The following C2orf74 variants were observed in gnomAD, a reference collection of about 807,000 sequenced individuals.
C2orf74 encodes DPM1 ER membrane anchor 1, also known as uncharacterized protein C2orf74.
A neutral mutation model predicts 17.9 loss-of-function variants in C2orf74; 14 were observed. The observed-to-expected ratio is 0.78, with a 90% CI of 0.52 to 1.22. C2orf74 has a LOEUF of 1.22. Among genes scored for constraint, C2orf74 ranks in the 50% most tolerant of loss-of-function variants. The pLI is 0.00. For missense variants in C2orf74, 217 were observed against 218.4 expected (o/e 0.99, Z 0.04); for synonymous variants, 79 against 72.6 (o/e 1.09, Z -0.44).
intron 1 of C2orf74, among the ~76,000 whole-genome samples, chr2:61,148,435 C>T (rs1047942319): frequency 6.6e-6 from 1 of 152,046 alleles, no homozygotes; most frequent in Admixed American, 6.6e-5. Flanking sequence ...GATCTACCTG[C>T]CTCAGCCTCC....
intron 2 of C2orf74, 99 bp from the exon 3 acceptor site, chr2:61,162,743 A>G: frequency 9.0e-7 from 1 of 1,112,440 alleles, no homozygotes; most frequent in Non-Finnish European, 1.3e-6. Flanking sequence ...TCAGCATTTT[A>G]GAAATGCTGA....
chr2:61,147,668 C>T (rs945230879), intron 1 of C2orf74, among the ~76,000 whole-genome samples: 3 of 152,134 alleles, frequency 2.0e-5, no homozygotes, highest in South Asian at 2.1e-4. Context: ...TTTTGCCTTT[C>T]CCTTTTTTAT....
At chr2:61,148,436 C>G (rs1252821962) in intron 1 of C2orf74, among the ~76,000 whole-genome samples, 1 of 152,110 alleles carries the variant, frequency 6.6e-6, no homozygotes, top group Non-Finnish European at 1.5e-5. Context: ...ATCTACCTGC[C>G]TCAGCCTCCC....
chr2:61,158,002 G>T (rs1405034744), upstream of C2orf74: 1 of 471,218 alleles, frequency 2.1e-6, no homozygotes, highest in South Asian at 1.5e-5. Flanking sequence ...AAAGAAGTCT[G>T]CAGGCAGGAG....
At chr2:61,146,139 T>TC (rs1034601470) in intron 1 of C2orf74, among the ~76,000 whole-genome samples, 5 of 152,210 alleles carry the variant, frequency 3.3e-5, no homozygotes, top group African/African-American at 1.2e-4. Flanking sequence ...TGAGTATCCA[T>TC]CAGAAGACTG....
chr2:61,153,858 C>T (rs1211195123), intron 1 of C2orf74, among the ~76,000 whole-genome samples: 1 of 150,422 alleles, frequency 6.6e-6, no homozygotes, highest in Non-Finnish European at 1.5e-5. Context: ...CACTACATTC[C>T]AGCCTGGGTG....
upstream of C2orf74, chr2:61,157,842 G>T: frequency 2.1e-6 from 1 of 469,548 alleles, no homozygotes; most frequent in Middle Eastern, 3.6e-4. Context: ...TGTAATTCCT[G>T]GATCATGTTT....
intron 3 of C2orf74, 24 bp from the exon 4 acceptor site, chr2:61,163,028 A>G: frequency 6.4e-7 from 1 of 1,552,280 alleles, no homozygotes. Context: ...TGAATGTTTA[A>G]AACTCTACCG....
At chr2:61,145,651 G>C (rs1227601119) in intron 1 of C2orf74, among the ~76,000 whole-genome samples, 4 of 152,150 alleles carry the variant, frequency 2.6e-5, no homozygotes, top group Admixed American at 6.5e-5. Context: ...TCGAACTCCT[G>C]ACCTCAGGTT....
chr2:61,153,912 A>AAAG (rs1559180502), intron 1 of C2orf74, among the ~76,000 whole-genome samples: 1 of 123,884 alleles, frequency 8.1e-6, no homozygotes, highest in Non-Finnish European at 1.8e-5. Flanking sequence ...AAGAAAGAAA[A>AAAG]AAAGAAAATA....
At chr2:61,162,383 A>G (rs1308866965) in intron 1 of C2orf74, 33 bp from the exon 2 acceptor site, 1 of 708,970 alleles carries the variant, frequency 1.4e-6, no homozygotes, top group Non-Finnish European at 2.4e-6. Context: ...AAAGAACAAC[A>G]AAGAAAACAG....
rs570919551 is a variant in C2orf74, at chr2:61,154,724, A to G, written c.-121-8118A>G. On this transcript the variant is annotated intron_variant, in intron 1 of 3. Transcript: ENST00000426997. ...CATCTCCTTGAGCACTAGGTTACCA[A>G]TCATGGGCCATGAACATTTTTACTG... is the stretch of plus-strand genomic sequence containing the variant. Among the ~76,000 whole-genome samples the G allele has an allele frequency of 1.6e-4, 25 of 152,240 alleles. 1 individual carries two copies. The South Asian group carries it at 3.9e-3, about 24-fold the overall frequency.
In C2orf74 at chr2:61,148,609, C is replaced by T. The variant is rs533475623; in HGVS notation, c.-122+3413C>T. ...TATTACTCATTTGGATATCCTCTTG[C>T]GTGAAATGCCTGTTCAAGACTTTTG... On this transcript the variant is annotated intron_variant, in intron 1 of 3. Coordinates refer to the C2orf74 transcript ENST00000426997. Among the ~76,000 whole-genome samples, 239 of 152,198 alleles carry T rather than the reference C, an allele frequency of 1.6e-3. 1 individual carries two copies. The highest frequency in any genetic ancestry group is 2.9e-3 in the Non-Finnish European group (199 of 68,040).
intron 1 of C2orf74, among the ~76,000 whole-genome samples, chr2:61,155,581 C>T (rs1473774757): frequency 2.0e-5 from 3 of 151,980 alleles, no homozygotes; most frequent in Admixed American, 6.6e-5. Context: ...AGTGCAGTGG[C>T]GCGATCTCGG....
upstream of C2orf74, chr2:61,159,417 C>G (rs1685497005): frequency 4.1e-6 from 1 of 245,802 alleles, no homozygotes; most frequent in South Asian, 3.7e-5. Flanking sequence ...CTGCCTCAGC[C>G]TCCCAGGTAG....
At chr2:61,149,566 G>A (rs369760661) in intron 1 of C2orf74, among the ~76,000 whole-genome samples, 1 of 149,148 alleles carries the variant, frequency 6.7e-6, no homozygotes, top group South Asian at 2.1e-4. Context: ...TAGATGTTGG[G>A]CGCCTTTCTT....
At position 61,164,505 on chromosome 2, in the gene C2orf74, G is replaced by A. The variant is rs771315443; in HGVS notation, c.542G>A (p.Arg181Gln). 4.2e-5 allele frequency: 65 copies of A among 1,539,792 alleles called. No individual in the cohort carries two copies. The highest frequency in any genetic ancestry group is 5.1e-5 in the Non-Finnish European group (58 of 1,142,860). ...TACCCTACACCTCGAAGCTATACTC[G>A]AGAACATAAAGAGAGGAAATGAAGC... ...NEYPTPRSYTREHKERK is the reference protein window; with the variant it reads ...NEYPTPRSYTQEHKERK The change falls in exon 5 of 5, where the codon CGA becomes CAA. Residue 181 changes from arginine (R) to glutamine (Q), a missense_variant. Transcript: ENST00000432605.
intron 1 of C2orf74, among the ~76,000 whole-genome samples, chr2:61,156,124 G>T (rs1047904184): frequency 6.6e-6 from 1 of 152,118 alleles, no homozygotes. Flanking sequence ...ACTTGACCCT[G>T]GAAGGTTAAG....
In C2orf74 at chr2:61,164,517, A is replaced by G. The variant is rs1474797101; in HGVS notation, c.554A>G (p.Glu185Gly). ...CGAAGCTATACTCGAGAACATAAAG[A>G]GAGGAAATGAAGCTCAAAAAAGGGT... ...TPRSYTREHK[E>G]RK Residue 185 changes from glutamate to glycine, a missense_variant, in exon 5 of 5, where the codon GAG becomes GGG. By Grantham distance (98) the Glu-to-Gly change is moderately conservative. Coordinates refer to ENST00000432605, the MANE Select transcript of C2orf74 (RefSeq NM_001143959.4). The G allele has an allele frequency of 2.0e-5, 30 of 1,522,910 alleles. No individual in the cohort carries two copies. In the Admixed American group the frequency reaches 2.7e-4, roughly 14 times the overall value. 94.3% of individuals were successfully genotyped at this position (1,522,910 alleles called of 1,614,324 possible).
Sources: gnomAD v4.1 joint callset for allele counts (sites outside exome capture counted in the v4.1 genomes callset) on GRCh38, gnomAD v4.1.1 for gene constraint, MANE v1.5 for transcripts, NCBI Gene and HGNC (gene_info 2026-07-23, HGNC 2026-07-21) for gene names.